ACTN1: variants seen among roughly 807,000 people sequenced by gnomAD.
The protein encoded by ACTN1 is alpha-actinin-1.
A neutral mutation model predicts 119.6 loss-of-function variants in ACTN1; 30 were observed. That is an observed-to-expected ratio of 0.25 (90% CI 0.19 to 0.34). ACTN1 has a LOEUF of 0.34. ACTN1 is among the 10% of genes least tolerant of loss of function. The probability of loss-of-function intolerance (pLI) is 1.00; values close to 1 mark genes in which losing one functional copy is unlikely to be tolerated. For missense variants in ACTN1, 764 were observed against 1,223.4 expected, an observed-to-expected ratio of 0.62 and a Z score of 5.60; for synonymous variants, 429 against 472.6, an observed-to-expected ratio of 0.91 and a Z score of 1.20.
chr14:68,881,074 T>C, intron 16 of ACTN1, 85 bp from the exon 17 acceptor site: 1 of 1,346,000 alleles, frequency 7.4e-7, no homozygotes, highest in Non-Finnish European at 1.0e-6. Context: ...AATCACTTAT[T>C]AAGCCCTCAA....
intron 2 of ACTN1, among the ~76,000 whole-genome samples, chr14:68,924,190 T>C (rs1041910936): frequency 6.6e-6 from 1 of 152,198 alleles, no homozygotes; most frequent in Admixed American, 6.5e-5. Context: ...AGGTGGACGG[T>C]GGCGATGGCT....
chr14:68,922,549 C>G (rs2034705549), intron 2 of ACTN1, among the ~76,000 whole-genome samples: 1 of 152,140 alleles, frequency 6.6e-6, no homozygotes, highest in Non-Finnish European at 1.5e-5. Flanking sequence ...CCTGTTACAG[C>G]CCCAGCCCTT....
At chr14:68,934,285 G>T (rs1027332847) in intron 1 of ACTN1, among the ~76,000 whole-genome samples, 3 of 152,240 alleles carry the variant, frequency 2.0e-5, no homozygotes, top group Non-Finnish European at 4.4e-5. Flanking sequence ...GTCGGCAAAA[G>T]CTGGCAAGAC....
At chr14:68,924,122 C>T (rs2034792362) in intron 2 of ACTN1, among the ~76,000 whole-genome samples, 1 of 152,086 alleles carries the variant, frequency 6.6e-6, no homozygotes, top group African/African-American at 2.4e-5. Context: ...CCGGGGGGAG[C>T]GGCGAGCTAG....
At chr14:68,932,307 G>T (rs1467670006) in intron 1 of ACTN1, among the ~76,000 whole-genome samples, 1 of 151,608 alleles carries the variant, frequency 6.6e-6, no homozygotes, top group Non-Finnish European at 1.5e-5. Flanking sequence ...TCCCGTGCTG[G>T]ATGCCTCCTG....
intron 6 of ACTN1, among the ~76,000 whole-genome samples, chr14:68,907,983 A>C (rs2033768746): frequency 6.6e-6 from 1 of 151,930 alleles, no homozygotes; most frequent in Admixed American, 6.6e-5. Flanking sequence ...TTGGCCACAC[A>C]ACTTTCCAGC....
Position 68,893,743 on chromosome 14 carries a change from T to G in ACTN1, c.767A>C (p.Glu256Ala), listed in dbSNP as rs2032678831. Residue 256 changes from glutamate (E) to alanine (A), a missense_variant, in exon 9 of 22, where the codon GAG (glutamate) becomes GCG (alanine). This residue lies in a region of ACTN1 where 544 missense variants were observed against 912.0 expected (regional missense o/e 0.60). Coordinates refer to ENST00000394419, the MANE Select transcript of ACTN1 (RefSeq NM_001130004.2). The part of the protein sequence containing the change: ...YHAFSGAQKA[E>A]TAANRICKVL... ...CTTGCAGATGCGATTGGCTGCTGTC[T>G]CCGCCTGGCAACAAGACAGAGAGAG... The G allele has an allele frequency of 6.2e-7, 1 of 1,613,642 alleles. No homozygotes were observed. Among genetic ancestry groups the G allele is most frequent in the Non-Finnish European group, 8.5e-7 (1 of 1,179,948 alleles).
chr14:68,955,097 G>A (rs987966501), intron 1 of ACTN1, among the ~76,000 whole-genome samples: 1 of 152,188 alleles, frequency 6.6e-6, no homozygotes, highest in Non-Finnish European at 1.5e-5. Flanking sequence ...CTATTTCTGA[G>A]CTTCCTGGTC....
At chr14:68,881,022 C>G in intron 16 of ACTN1, 33 bp from the exon 17 acceptor site, 1 of 1,609,550 alleles carries the variant, frequency 6.2e-7, no homozygotes, top group Non-Finnish European at 8.5e-7. Context: ...CTTGTCAGAC[C>G]ACCTCACTCT....
chr14:68,898,711 C>T (rs72733518), intron 8 of ACTN1, among the ~76,000 whole-genome samples: 23,095 of 152,092 alleles, frequency 0.15, 1,819 homozygotes, highest in South Asian at 0.21. Context: ...GGTCAGACCC[C>T]TGACCAGGAC....
chr14:68,954,723 G>A (rs1001457809), intron 1 of ACTN1, among the ~76,000 whole-genome samples: 2 of 152,210 alleles, frequency 1.3e-5, no homozygotes, highest in African/African-American at 4.8e-5. Context: ...AAGGGTCTGA[G>A]CATTTTCATA....
Position 68,878,205 on chromosome 14 carries a change from G to GGAGT in ACTN1, c.2427+249_2427+252dup. Reference sequence around the variant, plus strand: ...AGGGTCAGCCCAGCTGTCCACAGTGGGAGTGAGAAGTACCAGAAGATGAAG... The same window carrying GGAGT: ...AGGGTCAGCCCAGCTGTCCACAGTGGGAGTGAGTGAGAAGTACCAGAAGATGAAG... On this transcript the variant is annotated intron_variant, in intron 20 of 21. Transcript: ENST00000394419. This position sits in a 1 kb window ranked among gnomAD's most constrained non-coding sequence, Gnocchi z 4.4. 2.2e-6 allele frequency: 1 copy of GGAGT among 447,412 alleles called. No individual in the cohort carries two copies. The highest frequency in any genetic ancestry group is 1.9e-5 in the African/African-American group (1 of 51,366). 27.7% of individuals were successfully genotyped at this position (447,412 alleles called of 1,614,324 possible).
At chr14:68,938,112 T>C (rs980646606) in intron 1 of ACTN1, among the ~76,000 whole-genome samples, 11 of 152,160 alleles carry the variant, frequency 7.2e-5, no homozygotes, top group Admixed American at 2.6e-4. Context: ...AGTATCTGGC[T>C]AACTTATCAG....
intron 20 of ACTN1, 165 bp from the exon 21 acceptor site, chr14:68,877,405 C>T (rs2031029475): frequency 1.3e-6 from 1 of 771,046 alleles, no homozygotes; most frequent in Non-Finnish European, 2.0e-6. Flanking sequence ...GGACACAACA[C>T]CCAACAGGGG....
intron 3 of ACTN1, among the ~76,000 whole-genome samples, chr14:68,914,773 AAAAAC>A (rs1004357736): frequency 5.3e-5 from 8 of 152,134 alleles, no homozygotes; most frequent in Admixed American, 1.3e-4. Context: ...CCTGTCTCTT[AAAAAC>A]AAAACAAAAC....
chr14:68,888,397 G>A (rs959618796), intron 11 of ACTN1: 1 of 252,326 alleles, frequency 4.0e-6, no homozygotes, highest in East Asian at 1.0e-4. Context: ...AGAAGCATGT[G>A]ATGAATCAGT....
intron 1 of ACTN1, among the ~76,000 whole-genome samples, chr14:68,970,981 A>G (rs77501824): frequency 0.14 from 20,749 of 152,236 alleles, 1,625 homozygotes; most frequent in African/African-American, 0.2. Context: ...ATGATTACTG[A>G]AGAGAAAGCC....
intron 11 of ACTN1, chr14:68,888,251 A>G: frequency 2.8e-6 from 1 of 361,456 alleles, no homozygotes; most frequent in Non-Finnish European, 5.3e-6. Flanking sequence ...AAATTGGTAG[A>G]ACTGAATACA....
intron 1 of ACTN1, chr14:68,978,303 G>C (rs1048993575): frequency 2.3e-6 from 1 of 441,702 alleles, no homozygotes; most frequent in South Asian, 1.6e-5. Context: ...CAATAAAACG[G>C]TCTGCTGTCC....
Sources: gnomAD v4.1 joint callset for allele counts (sites outside exome capture counted in the v4.1 genomes callset) on GRCh38, gnomAD v4.1.1 for gene constraint, gnomAD v4.1.1 regional missense constraint, Gnocchi (gnomAD v3.1) non-coding constraint, MANE v1.5 for transcripts, NCBI Gene and HGNC (gene_info 2026-07-23, HGNC 2026-07-21) for gene names.